Variants in SV2C observed in about 807,000 individuals in gnomAD.
The protein encoded by SV2C is synaptic vesicle glycoprotein 2C.
A neutral mutation model predicts 79.7 loss-of-function variants in SV2C; 49 were observed. The observed-to-expected ratio is 0.61, with a 90% CI of 0.49 to 0.78. SV2C has a LOEUF of 0.78. Ranked by LOEUF, SV2C falls within the 30% of genes least tolerant of loss-of-function variation. The pLI, the probability that SV2C is intolerant of heterozygous loss-of-function variation, is 0.00. For synonymous variants in SV2C, 334 were observed against 333.2 expected (o/e 1.00, Z -0.03); for missense variants, 833 against 912.9 (o/e 0.91, Z 1.13).
the SV2C span, among the ~76,000 whole-genome samples, chr5:75,967,920 C>T: frequency 3.3e-5 from 5 of 152,172 alleles, no homozygotes; most frequent in East Asian, 7.7e-4. Context: ...GAGGCACCCC[C>T]CAGTAGGGGC....
At chr5:75,893,342 G>A in the SV2C span, among the ~76,000 whole-genome samples, 1 of 151,776 alleles carries the variant, frequency 6.6e-6, no homozygotes, top group Middle Eastern at 3.2e-3. Context: ...ACCATCATGA[G>A]GTCTGTAAAG....
chr5:76,214,110 A>G (rs1744846894), intron 4 of SV2C, among the ~76,000 whole-genome samples: 1 of 152,252 alleles, frequency 6.6e-6, no homozygotes, highest in Non-Finnish European at 1.5e-5. Context: ...ATGTATGTAC[A>G]TAAGTATACA....
the SV2C span, chr5:75,920,549 A>G: frequency 2.1e-6 from 1 of 478,204 alleles, no homozygotes; most frequent in Non-Finnish European, 3.7e-6. Flanking sequence ...ATCTTGGAAT[A>G]AGAAGCCATG....
the SV2C span, among the ~76,000 whole-genome samples, chr5:75,968,890 G>A: frequency 2.0e-5 from 3 of 151,790 alleles, no homozygotes; most frequent in Non-Finnish European, 4.4e-5. Context: ...CACCAAAGTT[G>A]AAATGAAGGA....
At chr5:76,112,133 C>A (rs1326384939) in intron 1 of SV2C, among the ~76,000 whole-genome samples, 1 of 152,130 alleles carries the variant, frequency 6.6e-6, no homozygotes, top group Non-Finnish European at 1.5e-5. Flanking sequence ...GGAAGAGTTC[C>A]TTTTCTCATG....
the SV2C span, among the ~76,000 whole-genome samples, chr5:76,013,208 T>A: frequency 7.2e-5 from 11 of 152,346 alleles, no homozygotes; most frequent in East Asian, 2.1e-3. Flanking sequence ...GTATGGCCAT[T>A]TTCATGATAT....
At chr5:76,246,732 A>G (rs1745958134) in intron 4 of SV2C, among the ~76,000 whole-genome samples, 1 of 152,172 alleles carries the variant, frequency 6.6e-6, no homozygotes, top group Non-Finnish European at 1.5e-5. Flanking sequence ...AAAGCAAGAC[A>G]TAGTGGTGCT....
intron 10 of SV2C, among the ~76,000 whole-genome samples, chr5:76,299,148 A>G (rs1423369156): frequency 1.3e-5 from 2 of 152,250 alleles, no homozygotes; most frequent in Non-Finnish European, 2.9e-5. Context: ...AGTTGGCAAC[A>G]ACAACAACAA....
the SV2C span, among the ~76,000 whole-genome samples, chr5:76,009,890 C>A: frequency 6.6e-6 from 1 of 151,730 alleles, no homozygotes; most frequent in Non-Finnish European, 1.5e-5. Flanking sequence ...AACATGTACC[C>A]CCTGAATCTC....
chr5:76,046,517 T>C, the SV2C span, among the ~76,000 whole-genome samples: 3 of 152,206 alleles, frequency 2.0e-5, no homozygotes, highest in African/African-American at 7.2e-5. Context: ...TCCACACGAT[T>C]GTGTAAAGGT....
At chr5:75,942,274 A>G in the SV2C span, among the ~76,000 whole-genome samples, 1 of 152,196 alleles carries the variant, frequency 6.6e-6, no homozygotes, top group African/African-American at 2.4e-5. Context: ...ACTGGTAAAC[A>G]TAAGTAAGGG....
chr5:75,906,200 A>G, the SV2C span, among the ~76,000 whole-genome samples: 1 of 152,112 alleles, frequency 6.6e-6, no homozygotes, highest in African/African-American at 2.4e-5. Flanking sequence ...AGAGAAAAAC[A>G]ATCCTGCTGA....
At chr5:76,169,180 G>A (rs1050113047) in intron 2 of SV2C, among the ~76,000 whole-genome samples, 8 of 152,244 alleles carry the variant, frequency 5.3e-5, no homozygotes, top group African/African-American at 1.9e-4. Context: ...AGTTCTGAAT[G>A]TGTGTTGGAA....
chr5:75,922,201 T>C, the SV2C span, among the ~76,000 whole-genome samples: 1 of 152,170 alleles, frequency 6.6e-6, no homozygotes, highest in African/African-American at 2.4e-5. Flanking sequence ...GAGGACCAAA[T>C]AATGCAGGCC....
the SV2C span, among the ~76,000 whole-genome samples, chr5:75,981,014 G>T: frequency 6.6e-6 from 1 of 152,184 alleles, no homozygotes; most frequent in Non-Finnish European, 1.5e-5. Context: ...CTTCAGCAAA[G>T]TCTCAGGATA....
intron 2 of SV2C, among the ~76,000 whole-genome samples, chr5:76,166,981 G>A (rs904006638): frequency 6.6e-6 from 1 of 152,154 alleles, no homozygotes; most frequent in African/African-American, 2.4e-5. Flanking sequence ...GCACTTAAAG[G>A]AAGTCAAGCC....
rs187132794 is a variant in SV2C at position 76,186,299 on chromosome 5, G to A, written c.581-8620G>A. ...TCCAAAGTCGTTTCCACATTTTCGG[G>A]TATCTTTAGAGCAGTGCTTCACTAC... is the stretch of plus-strand genomic sequence containing the variant. On this transcript the variant is annotated intron_variant, in intron 2 of 12. Transcript: ENST00000502798. 9.9e-5 allele frequency among the ~76,000 whole-genome samples: 15 copies of A among 152,226 alleles called. No homozygotes were observed. In the East Asian group the frequency reaches 2.7e-3, roughly 27 times the overall value.
intron 4 of SV2C, among the ~76,000 whole-genome samples, chr5:76,250,463 C>T (rs531807204): frequency 2.6e-5 from 4 of 152,260 alleles, no homozygotes; most frequent in Admixed American, 6.5e-5. Context: ...ACTGAATAAG[C>T]GTTCTGTGGA....
intron 4 of SV2C, among the ~76,000 whole-genome samples, chr5:76,226,938 C>T (rs558480038): frequency 2.0e-5 from 3 of 152,128 alleles, no homozygotes; most frequent in South Asian, 4.2e-4. Context: ...GGAAGTTAAG[C>T]GGGCCCCACA....
Sources: allele counts gnomAD v4.1 joint callset (sites outside exome capture counted in the v4.1 genomes callset), GRCh38; gene constraint gnomAD v4.1.1; transcripts MANE v1.5; gene names NCBI Gene and HGNC (gene_info 2026-07-23, HGNC 2026-07-21).